The following SLC4A4 variants were observed in gnomAD, a reference collection of about 807,000 sequenced individuals.
SLC4A4 encodes solute carrier family 4 member 4, also known as electrogenic sodium bicarbonate cotransporter 1.
SLC4A4 carries 27 observed loss-of-function variants against 111.5 expected under a neutral mutation model. That is an observed-to-expected ratio of 0.24 (90% CI 0.18 to 0.33). SLC4A4 has a LOEUF of 0.33. Among genes scored for constraint, SLC4A4 ranks in the 10% least tolerant of loss-of-function variants. The pLI is 1.00. For missense variants in SLC4A4, 909 were observed against 1,315.5 expected, an observed-to-expected ratio of 0.69 and a Z score of 4.78; for synonymous variants, 443 against 463.4, an observed-to-expected ratio of 0.96 and a Z score of 0.57.
chr4:71,306,103 C>G (rs1481345247), intron 3 of SLC4A4, among the ~76,000 whole-genome samples: 3 of 152,188 alleles, frequency 2.0e-5, no homozygotes, highest in Admixed American at 6.5e-5. Context: ...TCCTCTACCT[C>G]TTTAGGGAGC....
chr4:71,464,905 T>A (rs34585317), intron 12 of SLC4A4, among the ~76,000 whole-genome samples: 22,032 of 152,170 alleles, frequency 0.14, 1,931 homozygotes, highest in South Asian at 0.31. Context: ...GTTTTGTAAG[T>A]TGATTTAAAA....
chr4:71,337,611 AG>A (rs1236272922), intron 3 of SLC4A4, among the ~76,000 whole-genome samples: 1 of 152,156 alleles, frequency 6.6e-6, no homozygotes, highest in Non-Finnish European at 1.5e-5. Flanking sequence ...ATGTATTTCT[AG>A]TACAAGAATT....
At chr4:71,155,953 A>C (rs540744204) in intron 2 of SLC4A4, among the ~76,000 whole-genome samples, 78 of 152,344 alleles carry the variant, frequency 5.1e-4, no homozygotes, top group Admixed American at 1.9e-3. Context: ...TAAACTTTGC[A>C]AGTCATGATT....
chr4:71,138,908 C>T (rs1432149274), intron 2 of SLC4A4, among the ~76,000 whole-genome samples: 2 of 151,786 alleles, frequency 1.3e-5, no homozygotes, highest in Non-Finnish European at 1.5e-5. Flanking sequence ...TGGTGGTGGG[C>T]GCCTGCAGTC....
At chr4:71,084,436 G>A (rs920860197) in intron 1 of SLC4A4, among the ~76,000 whole-genome samples, 1 of 151,728 alleles carries the variant, frequency 6.6e-6, no homozygotes, top group African/African-American at 2.4e-5. Context: ...TAAGTTTTAG[G>A]GTACATGGGC....
At chr4:71,144,709 A>G (rs1744115312) in intron 2 of SLC4A4, among the ~76,000 whole-genome samples, 1 of 151,838 alleles carries the variant, frequency 6.6e-6, no homozygotes, top group Non-Finnish European at 1.5e-5. Context: ...CTTTGAAGCA[A>G]TTATGAATGG....
At chr4:71,126,038 G>A (rs548201447) in intron 2 of SLC4A4, among the ~76,000 whole-genome samples, 1 of 152,116 alleles carries the variant, frequency 6.6e-6, no homozygotes, top group Non-Finnish European at 1.5e-5. Flanking sequence ...ATTTTGTAAT[G>A]TTTTCTAAAG....
chr4:71,394,261 A>G (rs1254934023), intron 6 of SLC4A4, among the ~76,000 whole-genome samples: 1 of 152,174 alleles, frequency 6.6e-6, no homozygotes, highest in Non-Finnish European at 1.5e-5. Flanking sequence ...CACATCTGAC[A>G]GAGGACTAAT....
chr4:71,517,022 G>A lies in SLC4A4; in HGVS notation c.2167-15040G>A, dbSNP rs924777954. Reference sequence around the variant, plus strand: ...TGCTTCTTTTCTCTTGCTGCTTCAAGATTTTCTCTTTGTATTATATTTTTT... The same window carrying A: ...TGCTTCTTTTCTCTTGCTGCTTCAAAATTTTCTCTTTGTATTATATTTTTT... On this transcript the variant is annotated intron_variant, in intron 16 of 25. Transcript: ENST00000264485. Among the ~76,000 whole-genome samples the A allele has an allele frequency of 1.1e-4, 16 of 152,150 alleles. 1 individual carries two copies. In the South Asian group the frequency reaches 2.3e-3, roughly 22 times the overall value.
At chr4:71,217,954 G>A (rs1718532331) in intron 1 of SLC4A4, among the ~76,000 whole-genome samples, 1 of 152,196 alleles carries the variant, frequency 6.6e-6, no homozygotes, top group Non-Finnish European at 1.5e-5. Context: ...GACTGTGAAA[G>A]TTAAAACAAA....
chr4:71,201,152 A>G (rs2579301), intron 1 of SLC4A4, among the ~76,000 whole-genome samples: 24,198 of 152,122 alleles, frequency 0.16, 3,140 homozygotes, highest in African/African-American at 0.33. Context: ...ACTGAGGGAC[A>G]CTACCTGTTG....
intron 3 of SLC4A4, among the ~76,000 whole-genome samples, chr4:71,312,426 G>T (rs147821100): frequency 0.011 from 1,641 of 152,170 alleles, 9 homozygotes; most frequent in South Asian, 0.044. Flanking sequence ...ATTTTATAAG[G>T]CCAGCATCAT....
intron 2 of SLC4A4, among the ~76,000 whole-genome samples, chr4:71,094,431 AG>A (rs11336377): frequency 0.23 from 34,713 of 152,100 alleles, 4,013 homozygotes; most frequent in South Asian, 0.24. Context: ...CATTATAAAT[AG>A]GCCTCCTGCT....
At chr4:71,119,168 G>A (rs1164507949) in intron 2 of SLC4A4, among the ~76,000 whole-genome samples, 1 of 152,184 alleles carries the variant, frequency 6.6e-6, no homozygotes. Flanking sequence ...GGTGCAGGGA[G>A]TATATCGGAG....
intron 2 of SLC4A4, among the ~76,000 whole-genome samples, chr4:71,100,256 G>A (rs1284253264): frequency 2.6e-5 from 4 of 151,752 alleles, no homozygotes; most frequent in African/African-American, 7.3e-5. Context: ...AATCCATCAC[G>A]ATCAAATAGA....
chr4:71,348,211 A>G (rs1306113080), intron 4 of SLC4A4, among the ~76,000 whole-genome samples: 1 of 152,118 alleles, frequency 6.6e-6, no homozygotes, highest in Non-Finnish European at 1.5e-5. Context: ...GGTTAAACCC[A>G]TAGAATTCTT....
intron 12 of SLC4A4, among the ~76,000 whole-genome samples, chr4:71,455,985 C>T (rs1471806292): frequency 6.6e-6 from 1 of 152,142 alleles, no homozygotes; most frequent in Non-Finnish European, 1.5e-5. Context: ...GTGGAATTAG[C>T]TATTTTCTGT....
intron 18 of SLC4A4, 66 bp downstream of exon 18, chr4:71,534,454 T>A (rs1734233019): frequency 6.6e-7 from 1 of 1,513,690 alleles, no homozygotes; most frequent in African/African-American, 1.4e-5. Context: ...AAACACTAAT[T>A]GATTAAAAAC....
At chr4:71,183,466 T>C (rs1423884260), upstream of SLC4A4, among the ~76,000 whole-genome samples, 2 of 152,222 alleles carry the variant, frequency 1.3e-5, no homozygotes, top group Non-Finnish European at 2.9e-5. Context: ...AAGAGAATGT[T>C]AATTATAAAT....
Sources: allele counts gnomAD v4.1 joint callset (sites outside exome capture counted in the v4.1 genomes callset), GRCh38; gene constraint gnomAD v4.1.1; transcripts MANE v1.5; gene names NCBI Gene and HGNC (gene_info 2026-07-23, HGNC 2026-07-21).